The following WWC2 variants were observed in gnomAD, a reference collection of about 807,000 sequenced individuals.
The protein encoded by WWC2 is WW and C2 domain containing 2.
WWC2 carries 101 observed loss-of-function variants against 138.5 expected under a neutral mutation model. That is an observed-to-expected ratio of 0.73 (90% confidence interval 0.62 to 0.86). The LOEUF is 0.86. Ranked by LOEUF, WWC2 falls within the 40% of genes least tolerant of loss-of-function variation. The probability of loss-of-function intolerance (pLI) is 0.00; values close to 1 mark genes in which losing one functional copy is unlikely to be tolerated. For missense variants in WWC2, 1,420 were observed against 1,419.4 expected (o/e 1.00, Z -0.01); for synonymous variants, 558 against 538.4 (o/e 1.04, Z -0.50).
chr4:183,166,512 A>G (rs745544546), intron 1 of WWC2, among the ~76,000 whole-genome samples: 21 of 152,158 alleles, frequency 1.4e-4, no homozygotes, highest in Non-Finnish European at 2.8e-4. Context: ...TTTTTTGCCT[A>G]TAAAGGAGTT....
intron 16 of WWC2, 98 bp downstream of exon 16, chr4:183,271,339 A>G (rs151282217): frequency 3.1e-6 from 3 of 971,086 alleles, no homozygotes; most frequent in South Asian, 3.3e-5. Flanking sequence ...TACGAGACCA[A>G]CATGCTTTTA....
intron 1 of WWC2, among the ~76,000 whole-genome samples, chr4:183,110,928 C>G (rs573428290): frequency 3.3e-5 from 5 of 152,054 alleles, no homozygotes; most frequent in Admixed American, 2.0e-4. Context: ...ATTGGTGCTA[C>G]AAACCCCTGA....
At position 183,261,205 on chromosome 4, in the gene WWC2, G is replaced by A; in HGVS notation, c.1582G>A (p.Ala528Thr). The A allele has an allele frequency of 1.2e-5, 20 of 1,612,934 alleles. No individual in the cohort carries two copies. The highest frequency in any genetic ancestry group is 1.7e-5 in the Non-Finnish European group (20 of 1,179,508). ...GAGTGGACTCTGTGGAGTGGCAGCT[G>A]CAGCAACAGGCCACACTCCTCCACT... ...GQSGLCGVAA[A>T]ATGHTPPLAE... The change falls in exon 11 of 23, where the codon GCA becomes ACA. Residue 528 changes from alanine to threonine, a missense_variant. By Grantham distance (58) the Ala-to-Thr change is moderately conservative. Coordinates refer to ENST00000403733, the MANE Select transcript of WWC2 (RefSeq NM_024949.6).
intron 1 of WWC2, among the ~76,000 whole-genome samples, chr4:183,178,375 TACAA>T (rs1202816295): frequency 4.9e-4 from 55 of 112,906 alleles, no homozygotes; most frequent in South Asian, 1.4e-3. Flanking sequence ...ACCCTGTTTC[TACAA>T]ATAAATAAAT....
intron 1 of WWC2, among the ~76,000 whole-genome samples, chr4:183,168,064 G>A (rs774920625): frequency 3.4e-4 from 52 of 151,878 alleles, no homozygotes; most frequent in Non-Finnish European, 5.9e-4. Flanking sequence ...CTCCATGTTG[G>A]CCAGGATGGT....
rs1356150053 is a variant in WWC2 at position 183,303,211 on chromosome 4, TTTAA to T, written c.3385-9123_3385-9120del. Among the ~76,000 whole-genome samples the T allele has an allele frequency of 1.1e-4, 16 of 152,344 alleles. No individual in the cohort carries two copies. The East Asian group carries it at 2.1e-3, about 20-fold the overall frequency. Reference sequence around the variant, plus strand: ...TATAATGAAGTCTCCAACCATTTGATTTAATTAATTCCTTTTGTAAGACAGCGTT... The same window carrying T: ...TATAATGAAGTCTCCAACCATTTGATTTAATTCCTTTTGTAAGACAGCGTT... On this transcript the variant is annotated intron_variant, in intron 21 of 22. Transcript: ENST00000403733.
rs555598158 is a variant in WWC2 at position 183,256,893 on chromosome 4, C to A, written c.1197-2746C>A. Among the ~76,000 whole-genome samples the A allele has an allele frequency of 1.2e-4, 12 of 97,656 alleles. 1 individual carries two copies. Among genetic ancestry groups the A allele is most frequent in the East Asian group, 3.6e-4 (1 of 2,764 alleles). 64.1% of individuals were successfully genotyped at this position (97,656 alleles called of 152,430 possible). On this transcript the variant is annotated intron_variant, in intron 9 of 22. Transcript: ENST00000403733. ...TGAGTGTGATCCTACAGCCCCCCCC[C>A]CCCCCCCCCCGGCTCTGTTCCTGCC...
intron 21 of WWC2, among the ~76,000 whole-genome samples, chr4:183,303,902 A>T (rs556651390): frequency 1.6e-4 from 25 of 151,990 alleles, no homozygotes; most frequent in African/African-American, 4.6e-4. Context: ...CCACATGTTC[A>T]TTTACCAAGA....
At chr4:183,200,293 C>G (rs1005615190) in intron 2 of WWC2, among the ~76,000 whole-genome samples, 2 of 151,872 alleles carry the variant, frequency 1.3e-5, no homozygotes, top group African/African-American at 4.8e-5. Flanking sequence ...TACCGTGTCC[C>G]CAAGATGGAG....
At chr4:183,220,627 G>A (rs923674870) in intron 4 of WWC2, among the ~76,000 whole-genome samples, 4 of 151,820 alleles carry the variant, frequency 2.6e-5, no homozygotes, top group African/African-American at 7.3e-5. Flanking sequence ...AAGGTCAGGA[G>A]ATTGAGACCA....
At chr4:183,201,442 G>A (rs1735295552) in intron 2 of WWC2, among the ~76,000 whole-genome samples, 1 of 152,124 alleles carries the variant, frequency 6.6e-6, no homozygotes, top group South Asian at 2.1e-4. Flanking sequence ...GTGCCCGTCC[G>A]ACTCAGGCCA....
intron 21 of WWC2, among the ~76,000 whole-genome samples, chr4:183,299,035 A>C (rs1378638841): frequency 2.0e-5 from 3 of 152,188 alleles, no homozygotes; most frequent in Non-Finnish European, 4.4e-5. Context: ...ACAAAATGCC[A>C]CAGACTGGGT....
At chr4:183,258,005 G>A (rs912961949) in intron 9 of WWC2, among the ~76,000 whole-genome samples, 6 of 152,208 alleles carry the variant, frequency 3.9e-5, no homozygotes, top group Admixed American at 2.0e-4. Flanking sequence ...GGCTGAGGAC[G>A]CTCCCTAGTG....
At chr4:183,301,038 G>A (rs1052463335) in intron 21 of WWC2, among the ~76,000 whole-genome samples, 4 of 152,062 alleles carry the variant, frequency 2.6e-5, no homozygotes, top group Non-Finnish European at 2.9e-5. Flanking sequence ...CTGACTTTTC[G>A]TGATATATCC....
intron 1 of WWC2, among the ~76,000 whole-genome samples, chr4:183,105,458 C>T (rs73002992): frequency 0.014 from 2,086 of 152,224 alleles, 47 homozygotes; most frequent in African/African-American, 0.048. Context: ...TTCTTCTTGC[C>T]GATGCAGGAG....
At chr4:183,128,776 T>G (rs1001148690) in intron 1 of WWC2, among the ~76,000 whole-genome samples, 4 of 152,222 alleles carry the variant, frequency 2.6e-5, no homozygotes, top group African/African-American at 9.6e-5. Flanking sequence ...GTCCTCCAAC[T>G]GTTTTCAGGA....
intron 21 of WWC2, among the ~76,000 whole-genome samples, chr4:183,299,123 C>A (rs1052625851): frequency 4.6e-5 from 7 of 152,130 alleles, no homozygotes; most frequent in Non-Finnish European, 1.5e-5. Flanking sequence ...GCTGGCAAGG[C>A]CCTTCTTGCT....
Position 183,193,636 on chromosome 4 carries a change from G to T in WWC2, c.169G>T (p.Asp57Tyr). 2.5e-6 allele frequency: 4 copies of T among 1,613,960 alleles called. No homozygotes were observed. The highest frequency in any genetic ancestry group is 3.4e-6 in the Non-Finnish European group (4 of 1,179,898). ...CTTGTCATTTGCTGATTGTGTTGGG[G>T]ATGAGCTGCCGTGGGGATGGGAAGC... Reference protein sequence around the residue: ...KPLSFADCVGDELPWGWEAGF... With the variant: ...KPLSFADCVGYELPWGWEAGF... The change falls in exon 2 of 23, where the codon GAT (aspartate) becomes TAT (tyrosine). Residue 57 changes from aspartate to tyrosine, a missense_variant. Coordinates refer to ENST00000403733, the MANE Select transcript of WWC2 (RefSeq NM_024949.6).
At chr4:183,109,851 CT>C (rs112952778) in intron 1 of WWC2, among the ~76,000 whole-genome samples, 9 of 149,306 alleles carry the variant, frequency 6.0e-5, no homozygotes, top group Non-Finnish European at 1.0e-4. Context: ...TCTCATGTTA[CT>C]TTTTTTTTTG....
Sources: allele counts gnomAD v4.1 joint callset (sites outside exome capture counted in the v4.1 genomes callset), GRCh38; gene constraint gnomAD v4.1.1; transcripts MANE v1.5; gene names NCBI Gene and HGNC (gene_info 2026-07-23, HGNC 2026-07-21).